PLGRKT: variants seen among roughly 807,000 people sequenced by gnomAD.
The protein encoded by PLGRKT is plasminogen receptor with a C-terminal lysine.
Under a neutral mutation model 18.5 loss-of-function variants are expected in PLGRKT, and 22 were observed. The observed-to-expected ratio is 1.19, with a 90% confidence interval of 0.85 to 1.70. The LOEUF is 1.70. Ranked by LOEUF, PLGRKT falls within the 40% of genes most tolerant of loss-of-function variation. PLGRKT has a pLI of 0.00. For synonymous variants in PLGRKT, 72 were observed against 52.8 expected (o/e 1.36, Z -1.58); for missense variants, 235 against 174.4 (o/e 1.35, Z -1.96).
chr9:5,367,064 C>G (rs1179875146), intron 3 of PLGRKT, among the ~76,000 whole-genome samples: 1 of 149,642 alleles, frequency 6.7e-6, no homozygotes, highest in Non-Finnish European at 1.5e-5. Context: ...CACACACACA[C>G]ACACCCCTAG....
chr9:5,414,222 A>G (rs1818416967), intron 3 of PLGRKT, among the ~76,000 whole-genome samples: 2 of 152,170 alleles, frequency 1.3e-5, no homozygotes, highest in Non-Finnish European at 1.5e-5. Context: ...GCTGGAGTGC[A>G]ATGGTGCAAT....
chr9:5,402,168 T>A (rs1319316940), intron 3 of PLGRKT, among the ~76,000 whole-genome samples: 1 of 151,964 alleles, frequency 6.6e-6, no homozygotes, highest in Non-Finnish European at 1.5e-5. Flanking sequence ...AAATCATTTG[T>A]AACAAAACCA....
At chr9:5,372,145 C>G (rs1817533396) in intron 3 of PLGRKT, among the ~76,000 whole-genome samples, 1 of 151,922 alleles carries the variant, frequency 6.6e-6, no homozygotes, top group East Asian at 1.9e-4. Context: ...CCACGCCCAG[C>G]TAATTTTTGT....
At chr9:5,361,944 T>C in intron 3 of PLGRKT, 56 bp from the exon 4 acceptor site, 3 of 1,508,214 alleles carry the variant, frequency 2.0e-6, no homozygotes, top group Non-Finnish European at 2.7e-6. Context: ...TCTGAACAAA[T>C]AGTTAATAAT....
At chr9:5,398,467 C>G (rs1201290754) in intron 3 of PLGRKT, among the ~76,000 whole-genome samples, 1 of 152,008 alleles carries the variant, frequency 6.6e-6, no homozygotes. Flanking sequence ...AACAGAGAAA[C>G]AAGCTGTGAT....
chr9:5,361,054 A>C (rs1817251592), intron 5 of PLGRKT, 24 bp downstream of exon 5: 1 of 1,145,470 alleles, frequency 8.7e-7, no homozygotes, highest in Non-Finnish European at 1.3e-6. Context: ...AGCAAATAGA[A>C]ACTCTAGTTT....
intron 3 of PLGRKT, among the ~76,000 whole-genome samples, chr9:5,388,369 A>G (rs1338095892): frequency 3.9e-5 from 6 of 152,018 alleles, no homozygotes; most frequent in Admixed American, 1.3e-4. Context: ...AGATATCGCA[A>G]GCTTGTCATT....
At chr9:5,424,545 AAT>A (rs58258461) in intron 3 of PLGRKT, among the ~76,000 whole-genome samples, 8 of 128,588 alleles carry the variant, frequency 6.2e-5, no homozygotes, top group Non-Finnish European at 1.2e-4. Context: ...CATATATGTT[AAT>A]ATGTTTATAT....
chr9:5,385,403 AG>A (rs1032590662), intron 3 of PLGRKT, among the ~76,000 whole-genome samples: 20 of 151,738 alleles, frequency 1.3e-4, no homozygotes, highest in African/African-American at 4.6e-4. Context: ...TCACTGTGTT[AG>A]CCAGGATGGT....
chr9:5,380,370 TAAA>T (rs71326159), intron 3 of PLGRKT, among the ~76,000 whole-genome samples: 11,165 of 129,236 alleles, frequency 0.086, 779 homozygotes, highest in African/African-American at 0.2. Context: ...CTGTCTCAAT[TAAA>T]AAAAAAAAAA....
chr9:5,402,962 C>T (rs189027104), intron 3 of PLGRKT, among the ~76,000 whole-genome samples: 4 of 151,864 alleles, frequency 2.6e-5, no homozygotes, highest in Non-Finnish European at 5.9e-5. Context: ...GCATTAAAAA[C>T]GTAAAATAAA....
At chr9:5,401,542 T>A (rs1168998398) in intron 3 of PLGRKT, among the ~76,000 whole-genome samples, 1 of 151,886 alleles carries the variant, frequency 6.6e-6, no homozygotes, top group East Asian at 1.9e-4. Flanking sequence ...CCAAATAAGC[T>A]TCACAGATGA....
At chr9:5,411,193 G>T (rs1181440076) in intron 3 of PLGRKT, among the ~76,000 whole-genome samples, 1 of 151,900 alleles carries the variant, frequency 6.6e-6, no homozygotes, top group Non-Finnish European at 1.5e-5. Context: ...AGATCAGCCT[G>T]GCCAATATGG....
In PLGRKT at chr9:5,358,367, T is replaced by A. The variant is rs773431333; in HGVS notation, c.323-7A>T. On this transcript the variant is annotated splice_region_variant and splice_polypyrimidine_tract_variant and intron_variant, in intron 5 of 5. Coordinates refer to ENST00000223864, the MANE Select transcript of PLGRKT (RefSeq NM_018465.4). Reference sequence around the variant, plus strand: ...AGTATGTCCTCAGCTTCACCTTAAATAAAGTACAGAAATACACAAGGTGAC... The same window carrying A: ...AGTATGTCCTCAGCTTCACCTTAAAAAAAGTACAGAAATACACAAGGTGAC... The A allele has an allele frequency of 6.2e-7, 1 of 1,612,282 alleles. No individual in the cohort carries two copies. Among genetic ancestry groups the A allele is most frequent in the East Asian group, 2.2e-5 (1 of 44,836 alleles).
chr9:5,434,010 G>A (rs1398144288), intron 2 of PLGRKT, among the ~76,000 whole-genome samples: 6 of 140,658 alleles, frequency 4.3e-5, no homozygotes, highest in Non-Finnish European at 3.1e-5. Context: ...AGGAAGTGAG[G>A]AGCGCCTCTG....
chr9:5,373,453 T>C (rs1018636353), intron 3 of PLGRKT, among the ~76,000 whole-genome samples: 2 of 152,166 alleles, frequency 1.3e-5, no homozygotes, highest in South Asian at 4.1e-4. Context: ...CAAATGTGGG[T>C]CTGGGGCTCT....
At chr9:5,420,490 G>C (rs945804815) in intron 3 of PLGRKT, among the ~76,000 whole-genome samples, 4 of 152,186 alleles carry the variant, frequency 2.6e-5, no homozygotes, top group African/African-American at 9.7e-5. Context: ...AGGTAGTGGG[G>C]ACAGGAGGTA....
intron 3 of PLGRKT, among the ~76,000 whole-genome samples, chr9:5,431,531 C>CAAAAAAAAAAAAAAAAAAAAAAAAAAAAA (rs1191361436): frequency 1.3e-5 from 1 of 77,038 alleles, no homozygotes. Context: ...GAGACTCTCT[C>CAAAAAAAAAAAAAAAAAAAAAAAAAAAAA]AAAAAAAAAA....
At chr9:5,384,272 T>C (rs1817800509) in intron 3 of PLGRKT, among the ~76,000 whole-genome samples, 1 of 152,118 alleles carries the variant, frequency 6.6e-6, no homozygotes, top group Non-Finnish European at 1.5e-5. Flanking sequence ...GAGAAGGAAA[T>C]GAAAAACGGT....
Sources: allele counts gnomAD v4.1 joint callset (sites outside exome capture counted in the v4.1 genomes callset), GRCh38; gene constraint gnomAD v4.1.1; transcripts MANE v1.5; gene names NCBI Gene and HGNC (gene_info 2026-07-23, HGNC 2026-07-21).